Variants in ANKS1A observed in about 807,000 individuals in gnomAD.
ANKS1A encodes the protein ankyrin repeat and sterile alpha motif domain containing 1A, also known as ankyrin repeat and SAM domain-containing protein 1A.
A neutral mutation model predicts 120.3 loss-of-function variants in ANKS1A; 55 were observed. The observed-to-expected ratio is 0.46, with a 90% CI of 0.37 to 0.57. ANKS1A has a LOEUF of 0.57. Among genes scored for constraint, ANKS1A ranks in the 20% least tolerant of loss-of-function variants. The pLI is 0.00. For synonymous variants in ANKS1A, 590 were observed against 604.7 expected, an observed-to-expected ratio of 0.98 and a Z score of 0.36; for missense variants, 1,123 against 1,480.3, an observed-to-expected ratio of 0.76 and a Z score of 3.96.
At chr6:35,029,713 A>G (rs1442618166) in intron 11 of ANKS1A, among the ~76,000 whole-genome samples, 1 of 148,732 alleles carries the variant, frequency 6.7e-6, no homozygotes, top group Non-Finnish European at 1.5e-5. Context: ...AAATATATGT[A>G]TATTATTTGT....
downstream of ANKS1A, among the ~76,000 whole-genome samples, chr6:35,093,869 G>A (rs866924649): frequency 2.7e-4 from 41 of 152,294 alleles, no homozygotes; most frequent in African/African-American, 8.4e-4. Context: ...CAAGACCTCT[G>A]CCCTCACAAA....
At chr6:35,081,590 T>A (rs1411283173) in intron 17 of ANKS1A, among the ~76,000 whole-genome samples, 1 of 152,210 alleles carries the variant, frequency 6.6e-6, no homozygotes, top group East Asian at 1.9e-4. Flanking sequence ...TCCCTGCAGC[T>A]TCACCTCGGC....
At chr6:35,079,375 G>C (rs1053774519) in intron 14 of ANKS1A, 141 bp from the exon 15 acceptor site, 31 of 956,526 alleles carry the variant, frequency 3.2e-5, no homozygotes, top group Admixed American at 1.4e-4. Flanking sequence ...TGTGCGAAGT[G>C]GGGGGCTGGA....
At chr6:34,937,782 T>C (rs1323327103) in intron 1 of ANKS1A, among the ~76,000 whole-genome samples, 1 of 152,220 alleles carries the variant, frequency 6.6e-6, no homozygotes, top group African/African-American at 2.4e-5. Context: ...CCGAAGGTTT[T>C]AGAGTGGGCA....
intron 1 of ANKS1A, among the ~76,000 whole-genome samples, chr6:34,936,016 C>T (rs1023733028): frequency 7.2e-4 from 106 of 146,252 alleles, no homozygotes; most frequent in African/African-American, 2.6e-3. Flanking sequence ...GAGCCGAGAT[C>T]CCGCCACTGC....
intron 1 of ANKS1A, among the ~76,000 whole-genome samples, chr6:34,905,233 C>T (rs764153106): frequency 5.3e-5 from 8 of 152,210 alleles, no homozygotes; most frequent in Non-Finnish European, 1.2e-4. Context: ...TGACACTTAC[C>T]ACATCATGCT....
At chr6:34,920,340 T>C (rs1394626951) in intron 1 of ANKS1A, among the ~76,000 whole-genome samples, 1 of 152,022 alleles carries the variant, frequency 6.6e-6, no homozygotes, top group Non-Finnish European at 1.5e-5. Flanking sequence ...CCCAGCCTCT[T>C]GAGTGGCTGG....
Position 35,086,026 on chromosome 6 carries a change from C to T in ANKS1A, c.3303+90C>T. 7 of 1,450,492 alleles carry T rather than the reference C, an allele frequency of 4.8e-6. No individual in the cohort carries two copies. The highest frequency in any genetic ancestry group is 1.4e-5 in the African/African-American group (1 of 70,752). 89.9% of individuals were successfully genotyped at this position (1,450,492 alleles called of 1,614,324 possible). On this transcript the variant is annotated intron_variant, in intron 22 of 23. Coordinates refer to ENST00000360359, the MANE Select transcript of ANKS1A (RefSeq NM_015245.3). The surrounding 1 kb of genome is among the most constrained non-coding windows in gnomAD (Gnocchi z 5.1). ...GGTCAGCGTGAGGAGGGTCTTCTGG[C>T]ACTTCCAGAAAGCTGGCCCTCCAGG...
At chr6:35,008,568 C>A (rs1773581883) in intron 10 of ANKS1A, among the ~76,000 whole-genome samples, 1 of 152,152 alleles carries the variant, frequency 6.6e-6, no homozygotes, top group Non-Finnish European at 1.5e-5. Context: ...TAACTGTCTT[C>A]TTATTATTAA....
intron 1 of ANKS1A, among the ~76,000 whole-genome samples, chr6:34,904,726 A>G (rs1019853775): frequency 6.6e-6 from 1 of 152,236 alleles, no homozygotes; most frequent in Admixed American, 6.5e-5. Flanking sequence ...GCGAGACTCC[A>G]TATCAAAAAC....
chr6:34,926,875 T>A (rs1768743694), intron 1 of ANKS1A, among the ~76,000 whole-genome samples: 1 of 152,134 alleles, frequency 6.6e-6, no homozygotes, highest in Non-Finnish European at 1.5e-5. Context: ...GTAGCATGGA[T>A]GCTGGTACTG....
At chr6:35,018,885 G>C (rs920206648) in intron 11 of ANKS1A, among the ~76,000 whole-genome samples, 2 of 152,122 alleles carry the variant, frequency 1.3e-5, no homozygotes, top group East Asian at 3.9e-4. Context: ...AGCTGCAAGA[G>C]GAAGGCTTTT....
Position 35,086,048 on chromosome 6 carries a change from C to A in ANKS1A, c.3303+112C>A. The A allele has an allele frequency of 7.2e-7, 1 of 1,393,718 alleles. No homozygotes were observed. The highest frequency in any genetic ancestry group is 9.5e-7 in the Non-Finnish European group (1 of 1,056,706). The allele number at this position is 1,393,718 out of a possible 1,614,324, so 86.3% of individuals were successfully genotyped here. A position where few individuals can be genotyped will look rare whatever the true frequency, so the allele number is the denominator to read the frequency against. On this transcript the variant is annotated intron_variant, in intron 22 of 23. Coordinates refer to ENST00000360359, the MANE Select transcript of ANKS1A (RefSeq NM_015245.3). The surrounding 1 kb of genome is among the most constrained non-coding windows in gnomAD (Gnocchi z 5.1). The stretch of plus-strand genomic sequence containing the variant: ...TGGCACTTCCAGAAAGCTGGCCCTC[C>A]AGGGAAATGACCCTCTTAATTGTCC...
Position 34,889,268 on chromosome 6 carries a change from TG to T in ANKS1A, c.-131del. On this transcript the variant is annotated 5_prime_UTR_variant, in exon 1 of 24. Coordinates refer to ENST00000360359, the MANE Select transcript of ANKS1A (RefSeq NM_015245.3). The surrounding 1 kb of genome is among the most constrained non-coding windows in gnomAD (Gnocchi z 5.5). Reference sequence around the variant, plus strand: ...CCGGATCCCGGAAGTGACGCGCTCGTGGGGAAAAGGCAGGGAGGGGGTGGTG... The same window carrying T: ...CCGGATCCCGGAAGTGACGCGCTCGTGGGAAAAGGCAGGGAGGGGGTGGTG... 8.7e-7 allele frequency: 1 copy of T among 1,150,484 alleles called. No homozygotes were observed. The highest frequency in any genetic ancestry group is 1.1e-6 in the Non-Finnish European group (1 of 919,978). 71.3% of individuals were successfully genotyped at this position (1,150,484 alleles called of 1,614,324 possible).
At position 35,038,422 on chromosome 6, in the gene ANKS1A, G is replaced by A. The variant is rs1014468039; in HGVS notation, c.2011-15677G>A. Among the ~76,000 whole-genome samples the A allele has an allele frequency of 7.2e-5, 11 of 152,284 alleles. No individual in the cohort carries two copies. In the East Asian group the frequency reaches 7.7e-4, roughly 11 times the overall value. ...GGGCAGTGAAGAGTGCTGTGATAGTGCTGATGGTATTTGATTGCCAACCAC... is the reference window on the plus strand; with the variant it reads ...GGGCAGTGAAGAGTGCTGTGATAGTACTGATGGTATTTGATTGCCAACCAC... On this transcript the variant is annotated intron_variant, in intron 11 of 23. Coordinates refer to ENST00000360359, the MANE Select transcript of ANKS1A (RefSeq NM_015245.3).
chr6:34,962,843 T>TTTTC, intron 1 of ANKS1A, among the ~76,000 whole-genome samples: 1 of 151,464 alleles, frequency 6.6e-6, no homozygotes, highest in East Asian at 1.9e-4. Flanking sequence ...CTTAGTGCTT[T>TTTTC]TTTCTTTCTT....
chr6:34,955,555 C>T (rs1770320178), intron 1 of ANKS1A, among the ~76,000 whole-genome samples: 2 of 152,172 alleles, frequency 1.3e-5, no homozygotes, highest in African/African-American at 4.8e-5. Context: ...GGTTTCGTTT[C>T]CTTCTGCAGA....
chr6:35,022,164 C>G (rs1334075805), intron 11 of ANKS1A, among the ~76,000 whole-genome samples: 1 of 152,174 alleles, frequency 6.6e-6, no homozygotes, highest in Non-Finnish European at 1.5e-5. Context: ...CAGGCACCTT[C>G]CCCACTGTTC....
chr6:34,907,060 C>T (rs755742931), intron 1 of ANKS1A, among the ~76,000 whole-genome samples: 1 of 152,160 alleles, frequency 6.6e-6, no homozygotes, highest in African/African-American at 2.4e-5. Context: ...AAATCCATAA[C>T]CTCAGTCTAA....
Sources: allele counts gnomAD v4.1 joint callset (sites outside exome capture counted in the v4.1 genomes callset), GRCh38; gene constraint gnomAD v4.1.1; non-coding constraint Gnocchi (gnomAD v3.1); transcripts MANE v1.5; gene names NCBI Gene and HGNC (gene_info 2026-07-23, HGNC 2026-07-21).